Variants in ANAPC5 observed in about 807,000 individuals in gnomAD.
ANAPC5 encodes the protein anaphase-promoting complex subunit 5.
A neutral mutation model predicts 91.3 loss-of-function variants in ANAPC5; 60 were observed. That is an observed-to-expected ratio of 0.66 (90% CI 0.53 to 0.81). ANAPC5 has a LOEUF of 0.81. ANAPC5 is among the 40% of genes least tolerant of loss of function. The pLI is 0.00. For missense variants in ANAPC5, 690 were observed against 931.5 expected, an observed-to-expected ratio of 0.74 and a Z score of 3.37; for synonymous variants, 340 against 364.1, an observed-to-expected ratio of 0.93 and a Z score of 0.75.
At chr12:121,351,313 C>A (rs1903883553) in intron 1 of ANAPC5, 3 of 305,780 alleles carry the variant, frequency 9.8e-6, no homozygotes, top group Non-Finnish European at 1.9e-5. Context: ...GTCGAGGCTG[C>A]AGTGAGCCGC....
chr12:121,346,829 G>T, intron 3 of ANAPC5, 67 bp downstream of exon 3: 1 of 942,012 alleles, frequency 1.1e-6, no homozygotes, highest in East Asian at 2.7e-5. Flanking sequence ...AACAATGATA[G>T]ACATGACTTA....
chr12:121,347,172 A>G, intron 2 of ANAPC5, 167 bp from the exon 3 acceptor site: 1 of 516,206 alleles, frequency 1.9e-6, no homozygotes, highest in Non-Finnish European at 3.4e-6. Context: ...TTACTCCCGT[A>G]TTTCTGAAAA....
At chr12:121,312,567 T>C (rs1010169941) in intron 15 of ANAPC5, among the ~76,000 whole-genome samples, 1 of 151,114 alleles carries the variant, frequency 6.6e-6, no homozygotes, top group African/African-American at 2.4e-5. Context: ...ATTAGCCTGG[T>C]GTGGTGGCAC....
intron 1 of ANAPC5, among the ~76,000 whole-genome samples, chr12:121,350,909 G>T (rs1361583714): frequency 6.6e-6 from 1 of 152,070 alleles, no homozygotes; most frequent in Non-Finnish European, 1.5e-5. Flanking sequence ...ATAGGGGAAG[G>T]TATATGCCAT....
At chr12:121,336,088 T>A (rs1903225883) in intron 6 of ANAPC5, among the ~76,000 whole-genome samples, 1 of 152,202 alleles carries the variant, frequency 6.6e-6, no homozygotes, top group African/African-American at 2.4e-5. Context: ...TGAATTCATA[T>A]ACAAATTATA....
chr12:121,318,277 C>CT lies in ANAPC5; in HGVS notation c.1892dup (p.Leu632AlafsTer23). Reference sequence around the variant, plus strand: ...GCTATAAAAACAGAGATCGGCTTACCTGCGCAAAAGCCAAGTTCAGCACTG... The same window carrying CT: ...GCTATAAAAACAGAGATCGGCTTACCTTGCGCAAAAGCCAAGTTCAGCACTG... On this transcript the variant is annotated frameshift_variant and splice_region_variant, in exon 15 of 17. Coordinates refer to ENST00000261819, the MANE Select transcript of ANAPC5 (RefSeq NM_016237.5). LOFTEE classifies it high-confidence loss of function. The CT allele has an allele frequency of 6.6e-7, 1 of 1,525,582 alleles. No individual in the cohort carries two copies. Among genetic ancestry groups the CT allele is most frequent in the Non-Finnish European group, 8.8e-7 (1 of 1,137,532 alleles). 94.5% of individuals were successfully genotyped at this position (1,525,582 alleles called of 1,614,324 possible).
chr12:121,345,774 A>C (rs1903643656), intron 4 of ANAPC5, 65 bp downstream of exon 4: 4 of 1,471,610 alleles, frequency 2.7e-6, no homozygotes, highest in Non-Finnish European at 2.8e-6. Flanking sequence ...ATGAACAAGG[A>C]CTTATTGCAC....
intron 11 of ANAPC5, among the ~76,000 whole-genome samples, chr12:121,324,432 CAA>C (rs1902732674): frequency 6.6e-6 from 1 of 151,890 alleles, no homozygotes; most frequent in African/African-American, 2.4e-5. Flanking sequence ...TGAAGCCAAA[CAA>C]TGATTGGGTC....
chr12:121,324,127 G>A (rs1324292913), intron 11 of ANAPC5, among the ~76,000 whole-genome samples: 1 of 152,134 alleles, frequency 6.6e-6, no homozygotes, highest in African/African-American at 2.4e-5. Flanking sequence ...CAATTTACTT[G>A]AAGGAAAGTT....
chr12:121,323,280 G>A (rs1269752095), intron 11 of ANAPC5, among the ~76,000 whole-genome samples: 1 of 151,956 alleles, frequency 6.6e-6, no homozygotes, highest in Non-Finnish European at 1.5e-5. Flanking sequence ...CATGCTTTCT[G>A]TGAATGTACA....
At position 121,342,084 on chromosome 12, in the gene ANAPC5, A is replaced by G. The variant is rs1903481146; in HGVS notation, c.591-15T>C. ...CCTCCTCTTCTCTGGAAAAAATAAAAAAACAAAAATAGTAAAGAATTACAC... is the reference window on the plus strand; with the variant it reads ...CCTCCTCTTCTCTGGAAAAAATAAAGAAACAAAAATAGTAAAGAATTACAC... On this transcript the variant is annotated splice_polypyrimidine_tract_variant and intron_variant, in intron 4 of 16. Coordinates refer to ENST00000261819, the MANE Select transcript of ANAPC5 (RefSeq NM_016237.5). The surrounding 1 kb of genome is among the most constrained non-coding windows in gnomAD (Gnocchi z 4.1). 6.4e-7 allele frequency: 1 copy of G among 1,571,992 alleles called. No individual in the cohort carries two copies. The highest frequency in any genetic ancestry group is 8.6e-7 in the Non-Finnish European group (1 of 1,158,246).
In ANAPC5 at chr12:121,352,071, C is replaced by T. The variant is rs782106616; in HGVS notation, c.207+63G>A. On this transcript the variant is annotated intron_variant, in intron 1 of 16. Coordinates refer to ENST00000261819, the MANE Select transcript of ANAPC5 (RefSeq NM_016237.5). Reference sequence around the variant, plus strand: ...ACGAGTGTCCCCAAGCCCAGGGTTCCGCACAGAGCAGATGCTCAGTAAAAG... The same window carrying T: ...ACGAGTGTCCCCAAGCCCAGGGTTCTGCACAGAGCAGATGCTCAGTAAAAG... 1.2e-5 allele frequency: 18 copies of T among 1,466,034 alleles called. No individual in the cohort carries two copies. The South Asian group carries it at 1.4e-4, about 12-fold the overall frequency. 90.8% of individuals were successfully genotyped at this position (1,466,034 alleles called of 1,614,324 possible). A position where few individuals can be genotyped will look rare whatever the true frequency, so the allele number is the denominator to read the frequency against.
chr12:121,308,611 C>T lies in ANAPC5; in HGVS notation c.2137G>A (p.Val713Ile), dbSNP rs1479291253. The T allele has an allele frequency of 2.5e-6, 4 of 1,614,076 alleles. No individual in the cohort carries two copies. The highest frequency in any genetic ancestry group is 8.5e-7 in the Non-Finnish European group (1 of 1,180,008). Reference sequence around the variant, plus strand: ...TAGAGTCTGGCCTGGAAGTAAACGACGTCCCTGATGCGCTCTTTGCAGTCA... The same window carrying T: ...TAGAGTCTGGCCTGGAAGTAAACGATGTCCCTGATGCGCTCTTTGCAGTCA... The part of the protein sequence containing the change: ...KVDCKERIRD[V>I]VYFQARLYHT... Residue 713 changes from valine to isoleucine, a missense_variant, in exon 17 of 17, where the codon GTC (valine) becomes ATC (isoleucine). By Grantham distance (29) the Val-to-Ile change is conservative (BLOSUM62 3). Coordinates refer to ENST00000261819, the MANE Select transcript of ANAPC5 (RefSeq NM_016237.5).
chr12:121,312,473 G>A (rs1297598335), intron 15 of ANAPC5, among the ~76,000 whole-genome samples: 4 of 151,530 alleles, frequency 2.6e-5, no homozygotes, highest in Non-Finnish European at 4.4e-5. Flanking sequence ...TTGGGAGGCC[G>A]AGGCAGGCAG....
Position 121,352,254 on chromosome 12 carries a change from C to A in ANAPC5, c.87G>T (p.Trp29Cys), listed in dbSNP as rs782477271. 1 of 1,614,058 alleles carries A rather than the reference C, an allele frequency of 6.2e-7. No individual in the cohort carries two copies. Among genetic ancestry groups the A allele is most frequent in the Non-Finnish European group, 8.5e-7 (1 of 1,180,020 alleles). Residue 29 changes from tryptophan to cysteine, a missense_variant, in exon 1 of 17, where the codon TGG becomes TGT. Physicochemically the swap from Trp to Cys is radical, Grantham distance 215. This residue lies in a region of ANAPC5 where 238 missense variants were observed against 264.9 expected (regional missense o/e 0.90). Transcript: ENST00000261819. ...GCACCGCGATCTTGTACGGCGTCAC[C>A]CAGTCCTTGATGCCGAACACATTGG... ...VHANVFGIKD[W>C]VTPYKIAVLV...
rs1426189085 is a variant in ANAPC5, at chr12:121,331,367, C to T, written c.1012G>A (p.Val338Met). Reference sequence around the variant, plus strand: ...CTCACCAAACAGTGCTGGAGACACACGTGATCGTTGGACTCCTGGGCAATC... The same window carrying T: ...CTCACCAAACAGTGCTGGAGACACATGTGATCGTTGGACTCCTGGGCAATC... ...IRIAQESNDH[V>M]CLQHCLSWLY... Residue 338 changes from valine (V) to methionine (M), a missense_variant, in exon 8 of 17, where the codon GTG (valine) becomes ATG (methionine). Coordinates refer to ENST00000261819, the MANE Select transcript of ANAPC5 (RefSeq NM_016237.5). 9 of 1,608,758 alleles carry T rather than the reference C, an allele frequency of 5.6e-6. No individual in the cohort carries two copies. The highest frequency in any genetic ancestry group is 1.7e-4 in the Middle Eastern group (1 of 6,046).
At chr12:121,316,732 CAAAAAAAAAAAAA>C (rs35989752) in intron 15 of ANAPC5, among the ~76,000 whole-genome samples, 3 of 28,976 alleles carry the variant, frequency 1.0e-4, no homozygotes, top group South Asian at 1.6e-3. Context: ...GACTCTGTCT[CAAAAAAAAAAAAA>C]AAAAAAAAAA....
intron 9 of ANAPC5, among the ~76,000 whole-genome samples, 160 bp downstream of exon 9, chr12:121,330,423 T>C (rs1903000336): frequency 6.6e-6 from 1 of 152,230 alleles, no homozygotes; most frequent in Non-Finnish European, 1.5e-5. Context: ...CAGAATTTAG[T>C]GGTCTGATTA....
intron 15 of ANAPC5, among the ~76,000 whole-genome samples, chr12:121,316,088 T>C (rs182525995): frequency 6.6e-6 from 1 of 152,068 alleles, no homozygotes; most frequent in Non-Finnish European, 1.5e-5. Flanking sequence ...TTTTTACAAG[T>C]GAACATCAAA....
Sources: gnomAD v4.1 joint callset for allele counts (sites outside exome capture counted in the v4.1 genomes callset) on GRCh38, gnomAD v4.1.1 for gene constraint, gnomAD v4.1.1 regional missense constraint, Gnocchi (gnomAD v3.1) non-coding constraint, MANE v1.5 for transcripts, NCBI Gene and HGNC (gene_info 2026-07-23, HGNC 2026-07-21) for gene names.